TAOK1: variants seen among roughly 807,000 people sequenced by gnomAD.
The protein encoded by TAOK1 is serine/threonine-protein kinase TAO1.
TAOK1 carries 21 observed loss-of-function variants against 138.3 expected under a neutral mutation model. The observed-to-expected ratio is 0.15, with a 90% CI of 0.11 to 0.22. The LOEUF (loss-of-function observed/expected upper bound fraction) is 0.22. Ranked by LOEUF, TAOK1 falls within the 10% of genes least tolerant of loss-of-function variation. The pLI, the probability that TAOK1 is intolerant of heterozygous loss-of-function variation, is 1.00. For missense variants in TAOK1, 651 were observed against 1,227.7 expected (o/e 0.53, Z 7.02); for synonymous variants, 361 against 398.4 (o/e 0.91, Z 1.12).
intron 1 of TAOK1, among the ~76,000 whole-genome samples, chr17:29,399,646 A>G (rs1171086811): frequency 1.3e-5 from 2 of 152,158 alleles, no homozygotes; most frequent in Non-Finnish European, 2.9e-5. Context: ...AGTCTGACAT[A>G]CATTTTTGAA....
At chr17:29,488,527 G>A (rs567164182) in intron 8 of TAOK1, among the ~76,000 whole-genome samples, 91 of 138,878 alleles carry the variant, frequency 6.6e-4, no homozygotes, top group Non-Finnish European at 8.5e-4. Context: ...AGCCAAGATC[G>A]TGCCATTGCA....
chr17:29,399,192 C>T (rs1163301316), intron 1 of TAOK1, among the ~76,000 whole-genome samples: 1 of 152,014 alleles, frequency 6.6e-6, no homozygotes, highest in Non-Finnish European at 1.5e-5. Context: ...GCCATGTTGC[C>T]TGGTCTGGTA....
intron 2 of TAOK1, among the ~76,000 whole-genome samples, chr17:29,466,371 T>C (rs913851029): frequency 2.0e-5 from 3 of 152,190 alleles, no homozygotes; most frequent in African/African-American, 7.2e-5. Context: ...CTCGAACTGC[T>C]GACCTGAGGT....
intron 3 of TAOK1, among the ~76,000 whole-genome samples, chr17:29,471,559 G>A (rs1202577980): frequency 6.6e-6 from 1 of 151,894 alleles, no homozygotes; most frequent in African/African-American, 2.4e-5. Flanking sequence ...TTACAGGCGT[G>A]AGCCACCGCG....
At chr17:29,412,606 T>A (rs777467365) in intron 1 of TAOK1, among the ~76,000 whole-genome samples, 5 of 152,238 alleles carry the variant, frequency 3.3e-5, no homozygotes, top group African/African-American at 4.8e-5. Context: ...TTACTAGGAC[T>A]ATGGTTATTT....
intron 8 of TAOK1, among the ~76,000 whole-genome samples, chr17:29,487,411 G>GT (rs1318012410): frequency 2.0e-5 from 3 of 152,136 alleles, no homozygotes; most frequent in African/African-American, 7.2e-5. Context: ...TATACATCAT[G>GT]TATTTGTACA....
intron 1 of TAOK1, among the ~76,000 whole-genome samples, chr17:29,411,725 A>G (rs775878009): frequency 1.3e-5 from 2 of 152,126 alleles, no homozygotes; most frequent in Non-Finnish European, 2.9e-5. Context: ...TAATCTGGCA[A>G]CCATTTGTGT....
intron 1 of TAOK1, among the ~76,000 whole-genome samples, chr17:29,449,147 C>T (rs897734369): frequency 3.9e-5 from 6 of 152,110 alleles, no homozygotes; most frequent in East Asian, 1.9e-4. Flanking sequence ...TTCTTAACTA[C>T]GGTCTTAAGT....
At chr17:29,513,721 A>T (rs2031764681) in intron 15 of TAOK1, 1 of 127,594 alleles carries the variant, frequency 7.8e-6, no homozygotes, top group Non-Finnish European at 1.9e-5. Flanking sequence ...AGGCGGGCAA[A>T]TCACAAGGTC....
intron 17 of TAOK1, among the ~76,000 whole-genome samples, chr17:29,527,323 G>A (rs1001856088): frequency 2.6e-5 from 4 of 152,080 alleles, no homozygotes; most frequent in African/African-American, 4.8e-5. Context: ...AAAGCCAGGC[G>A]TGGTGGTAGC....
chr17:29,444,196 G>A (rs1263372590), intron 1 of TAOK1, among the ~76,000 whole-genome samples: 1 of 152,000 alleles, frequency 6.6e-6, no homozygotes, highest in African/African-American at 2.4e-5. Context: ...TGTGTATTTA[G>A]CAGACTAGAA....
At chr17:29,526,356 T>C (rs967842448) in intron 17 of TAOK1, among the ~76,000 whole-genome samples, 2 of 152,178 alleles carry the variant, frequency 1.3e-5, no homozygotes, top group Non-Finnish European at 1.5e-5. Flanking sequence ...GAAGATACTA[T>C]CTAAATTTCA....
intron 12 of TAOK1, among the ~76,000 whole-genome samples, chr17:29,500,417 C>A (rs1353269147): frequency 6.6e-6 from 1 of 151,994 alleles, no homozygotes; most frequent in African/African-American, 2.4e-5. Flanking sequence ...TGGAAACAAC[C>A]CAAATTATTC....
At chr17:29,432,786 T>A (rs1324038495) in intron 1 of TAOK1, among the ~76,000 whole-genome samples, 1 of 152,038 alleles carries the variant, frequency 6.6e-6, no homozygotes, top group Non-Finnish European at 1.5e-5. Context: ...AATTTTTTTT[T>A]TTTTTAGAGA....
chr17:29,435,435 A>G (rs1168317103), intron 1 of TAOK1, among the ~76,000 whole-genome samples: 2 of 152,200 alleles, frequency 1.3e-5, no homozygotes, highest in African/African-American at 4.8e-5. Flanking sequence ...TATAGCAAGA[A>G]TAATTATGTC....
At chr17:29,533,786 C>T in intron 18 of TAOK1, among the ~76,000 whole-genome samples, 1 of 25,732 alleles carries the variant, frequency 3.9e-5, no homozygotes, top group Admixed American at 5.4e-4. Context: ...GCCGAGATGG[C>T]AGCAGTACAG....
At chr17:29,442,389 GTT>G (rs531137552) in intron 1 of TAOK1, among the ~76,000 whole-genome samples, 12 of 130,538 alleles carry the variant, frequency 9.2e-5, no homozygotes, top group African/African-American at 3.1e-4. Context: ...ATTTTTTTCT[GTT>G]TTTTTTTTTT....
intron 1 of TAOK1, among the ~76,000 whole-genome samples, chr17:29,409,381 C>CTGGA (rs1905088528): frequency 1.5e-5 from 2 of 133,892 alleles, no homozygotes; most frequent in Admixed American, 1.7e-4. Flanking sequence ...GTTGCCCAGG[C>CTGGA]TGGAGTGCAG....
chr17:29,491,013 C>T (rs2031286093), intron 9 of TAOK1, among the ~76,000 whole-genome samples: 1 of 152,298 alleles, frequency 6.6e-6, no homozygotes, highest in East Asian at 1.9e-4. Context: ...GTTTCAACAT[C>T]AGTTTTGGAG....
Sources: allele counts gnomAD v4.1 joint callset (sites outside exome capture counted in the v4.1 genomes callset), GRCh38; gene constraint gnomAD v4.1.1; transcripts MANE v1.5; gene names NCBI Gene and HGNC (gene_info 2026-07-23, HGNC 2026-07-21).